KIAA1217: variants seen among roughly 807,000 people sequenced by gnomAD.
KIAA1217 encodes KIAA1217.
KIAA1217 carries 88 observed loss-of-function variants against 163.9 expected under a neutral mutation model. That is an observed-to-expected ratio of 0.54 (90% CI 0.45 to 0.64). The LOEUF is 0.64. Among genes scored for constraint, KIAA1217 ranks in the 30% least tolerant of loss-of-function variants. KIAA1217 has a pLI of 0.00. For missense variants in KIAA1217, 2,372 were observed against 2,475.0 expected, an observed-to-expected ratio of 0.96 and a Z score of 0.88; for synonymous variants, 903 against 923.1, an observed-to-expected ratio of 0.98 and a Z score of 0.39.
intron 3 of KIAA1217, among the ~76,000 whole-genome samples, chr10:24,411,713 A>T (rs527265561): frequency 2.0e-5 from 3 of 152,222 alleles, no homozygotes; most frequent in Non-Finnish European, 4.4e-5. Context: ...TCTGAGTCAC[A>T]CCTATTCTGG....
Position 24,541,515 on chromosome 10 carries a change from C to T in KIAA1217, c.3535-1178C>T, listed in dbSNP as rs184023453. 2.8e-4 allele frequency among the ~76,000 whole-genome samples: 43 copies of T among 152,216 alleles called. No homozygotes were observed. In the East Asian group the frequency reaches 5.8e-3, roughly 21 times the overall value. On this transcript the variant is annotated intron_variant, in intron 17 of 20. Transcript: ENST00000376454. Reference sequence around the variant, plus strand: ...GCTCTGGGTTGACTTTGGCTGGGCCCGGGTGTTTGTGCTTTGTGTTGTCAT... The same window carrying T: ...GCTCTGGGTTGACTTTGGCTGGGCCTGGGTGTTTGTGCTTTGTGTTGTCAT...
Position 24,089,821 on chromosome 10 carries a change from T to C in KIAA1217, c.-171+82447T>C, listed in dbSNP as rs544273222. Among the ~76,000 whole-genome samples the C allele has an allele frequency of 1.4e-3, 209 of 152,028 alleles. 2 individuals are homozygous for C. The highest frequency in any genetic ancestry group is 4.9e-3 in the African/African-American group (203 of 41,256). On this transcript the variant is annotated intron_variant, in intron 2 of 18. Coordinates refer to the KIAA1217 transcript ENST00000376462. ...TACAAACAAATGGAAGAACATTCCA[T>C]GCTCATGGATAGGAAGAATCAATGT...
At chr10:24,473,120 G>T in intron 5 of KIAA1217, 108 bp from the exon 6 acceptor site, 1 of 709,934 alleles carries the variant, frequency 1.4e-6, no homozygotes, top group Admixed American at 2.8e-5. Flanking sequence ...CAGATTCCAG[G>T]ATGAGGGTGT....
intron 5 of KIAA1217, among the ~76,000 whole-genome samples, chr10:24,457,725 G>A (rs761129004): frequency 3.3e-5 from 5 of 152,128 alleles, no homozygotes; most frequent in African/African-American, 4.8e-5. Flanking sequence ...TTTGAAAAGT[G>A]CTCCATAGAT....
intron 1 of KIAA1217, among the ~76,000 whole-genome samples, chr10:23,952,208 G>A (rs6482353): frequency 0.43 from 65,571 of 152,152 alleles, 17,588 homozygotes; most frequent in African/African-American, 0.77. Flanking sequence ...CATTTATTCC[G>A]CATGATGTCT....
rs556302403 is a variant in KIAA1217 at position 24,530,372 on chromosome 10, G to C, written c.3083-1458G>C. Among the ~76,000 whole-genome samples, 5 of 152,200 alleles carry C rather than the reference G, an allele frequency of 3.3e-5. No homozygotes were observed. In the South Asian group the frequency reaches 1.0e-3, roughly 32 times the overall value. On this transcript the variant is annotated intron_variant, in intron 14 of 20. Coordinates refer to ENST00000376454, the MANE Select transcript of KIAA1217 (RefSeq NM_019590.5). The stretch of plus-strand genomic sequence containing the variant: ...TTAATGCATCTCTGACCTGGTCTCA[G>C]AAACAGTACAGTGATGGACAGGCTA...
intron 2 of KIAA1217, among the ~76,000 whole-genome samples, chr10:24,045,911 T>C (rs1315134469): frequency 6.6e-6 from 1 of 152,110 alleles, no homozygotes; most frequent in Admixed American, 6.6e-5. Flanking sequence ...CATGTTCACC[T>C]ATGGAGAATT....
chr10:24,260,054 T>C (rs1305680038), intron 2 of KIAA1217, among the ~76,000 whole-genome samples: 2 of 152,228 alleles, frequency 1.3e-5, no homozygotes, highest in Non-Finnish European at 2.9e-5. Context: ...GCTTTCCTTA[T>C]GCTTGTTTTT....
chr10:24,320,107 G>A (rs1209982220), intron 2 of KIAA1217, among the ~76,000 whole-genome samples: 1 of 152,144 alleles, frequency 6.6e-6, no homozygotes, highest in Non-Finnish European at 1.5e-5. Context: ...GATATGAAAT[G>A]CTCTTTGGCA....
intron 1 of KIAA1217, among the ~76,000 whole-genome samples, chr10:23,918,245 T>A (rs1343304229): frequency 6.6e-6 from 1 of 151,666 alleles, no homozygotes. Context: ...TCTTCCTGTC[T>A]TAGCCTCCTA....
intron 2 of KIAA1217, among the ~76,000 whole-genome samples, chr10:24,313,772 G>A (rs1488156278): frequency 6.6e-6 from 1 of 151,750 alleles, no homozygotes; most frequent in Non-Finnish European, 1.5e-5. Context: ...AAAATTACAG[G>A]CCATGATTGG....
chr10:24,227,627 G>A (rs2070769429), intron 2 of KIAA1217, among the ~76,000 whole-genome samples: 1 of 151,534 alleles, frequency 6.6e-6, no homozygotes, highest in Non-Finnish European at 1.5e-5. Context: ...CTGCCTCCTG[G>A]GTTCAGGCCA....
At chr10:24,009,746 G>C (rs1847161948) in intron 2 of KIAA1217, among the ~76,000 whole-genome samples, 2 of 152,116 alleles carry the variant, frequency 1.3e-5, no homozygotes, top group Non-Finnish European at 2.9e-5. Flanking sequence ...GAAGGAAGTG[G>C]AAATGACTAC....
At chr10:24,397,313 C>A (rs1007171247) in intron 3 of KIAA1217, among the ~76,000 whole-genome samples, 2 of 152,094 alleles carry the variant, frequency 1.3e-5, no homozygotes, top group African/African-American at 2.4e-5. Context: ...TGGTCTCGAA[C>A]TCCTGACCTC....
chr10:24,413,880 G>A (rs1366239496), intron 3 of KIAA1217, among the ~76,000 whole-genome samples: 1 of 151,964 alleles, frequency 6.6e-6, no homozygotes, highest in African/African-American at 2.4e-5. Context: ...CTTTTTCCCT[G>A]TGTCTTGGCA....
chr10:23,851,418 G>C (rs1057290658), intron 1 of KIAA1217, among the ~76,000 whole-genome samples: 6 of 152,096 alleles, frequency 3.9e-5, no homozygotes, highest in Admixed American at 6.6e-5. Flanking sequence ...ATCATTGTTG[G>C]ACATTTGAGT....
intron 2 of KIAA1217, among the ~76,000 whole-genome samples, chr10:24,341,770 A>C (rs2047133078): frequency 6.6e-6 from 1 of 152,210 alleles, no homozygotes; most frequent in Non-Finnish European, 1.5e-5. Flanking sequence ...AGCCTTAGAC[A>C]AGCCATTGAA....
At chr10:24,520,376 C>G in intron 11 of KIAA1217, 123 bp downstream of exon 11, 1 of 1,362,380 alleles carries the variant, frequency 7.3e-7, no homozygotes. Flanking sequence ...ATGTGCCAGG[C>G]ATTGTTCTGG....
At chr10:24,048,738 A>AT (rs1849244268) in intron 2 of KIAA1217, among the ~76,000 whole-genome samples, 2 of 148,182 alleles carry the variant, frequency 1.3e-5, no homozygotes, top group African/African-American at 5.2e-5. Context: ...TCAAAAAAAA[A>AT]AAAAAATATA....
Sources: allele counts gnomAD v4.1 joint callset (sites outside exome capture counted in the v4.1 genomes callset), GRCh38; gene constraint gnomAD v4.1.1; transcripts MANE v1.5; gene names NCBI Gene and HGNC (gene_info 2026-07-23, HGNC 2026-07-21).